The following LPP variants were observed in gnomAD, a reference collection of about 807,000 sequenced individuals.
The protein encoded by LPP is LIM domain containing preferred translocation partner in lipoma, also known as lipoma-preferred partner.
Under a neutral mutation model 60.4 loss-of-function variants are expected in LPP, and 38 were observed. The observed-to-expected ratio is 0.63, with a 90% CI of 0.49 to 0.83. The LOEUF (loss-of-function observed/expected upper bound fraction) is 0.83, where lower values mean the gene tolerates loss of function less well. Ranked by LOEUF, LPP falls within the 40% of genes least tolerant of loss-of-function variation. LPP has a pLI of 0.00. For synonymous variants in LPP, 328 were observed against 290.8 expected (o/e 1.13, Z -1.30); for missense variants, 902 against 783.6 (o/e 1.15, Z -1.80).
chr3:188,377,496 A>G (rs1193356006), intron 3 of LPP, among the ~76,000 whole-genome samples: 1 of 152,160 alleles, frequency 6.6e-6, no homozygotes, highest in East Asian at 1.9e-4. Flanking sequence ...AGTTGATCGC[A>G]TCGGCTACTG....
chr3:188,368,715 CACACAGAGAGAG>C (rs1464267952), intron 3 of LPP, among the ~76,000 whole-genome samples: 12 of 74,068 alleles, frequency 1.6e-4, no homozygotes, highest in South Asian at 4.7e-4. Flanking sequence ...CACACACACA[CACACAGAGAGAG>C]AGAGAGAGAG....
intron 7 of LPP, among the ~76,000 whole-genome samples, chr3:188,655,421 T>C (rs183969226): frequency 6.6e-6 from 1 of 152,300 alleles, no homozygotes; most frequent in East Asian, 1.9e-4. Context: ...AGGCGGGTTT[T>C]AGAAAAGGAT....
intron 6 of LPP, among the ~76,000 whole-genome samples, chr3:188,527,942 C>A (rs1223008763): frequency 6.6e-6 from 1 of 152,048 alleles, no homozygotes; most frequent in East Asian, 1.9e-4. Context: ...TAGCTTACAT[C>A]TACTTTATAA....
intron 8 of LPP, among the ~76,000 whole-genome samples, chr3:188,745,493 C>A (rs1725844317): frequency 6.6e-6 from 1 of 152,104 alleles, no homozygotes; most frequent in African/African-American, 2.4e-5. Flanking sequence ...AGGGCAACAG[C>A]ACTTCTGTCT....
Position 188,639,526 on chromosome 3 carries a change from T to G in LPP, c.1113+29682T>G, listed in dbSNP as rs1257216385. Among the ~76,000 whole-genome samples the G allele has an allele frequency of 4.0e-5, 6 of 151,366 alleles. No individual in the cohort carries two copies. In the East Asian group the frequency reaches 9.7e-4, roughly 25 times the overall value. ...ACAAAATTGACAAATGGGATCTAATTAAACTAAAGAGCTTCTGCACAGCAA... is the reference window on the plus strand; with the variant it reads ...ACAAAATTGACAAATGGGATCTAATGAAACTAAAGAGCTTCTGCACAGCAA... On this transcript the variant is annotated intron_variant, in intron 7 of 11. Transcript: ENST00000617246.
chr3:188,529,490 A>G (rs905535340), intron 6 of LPP, among the ~76,000 whole-genome samples: 2 of 152,182 alleles, frequency 1.3e-5, no homozygotes, highest in African/African-American at 4.8e-5. Flanking sequence ...AAAATGATAT[A>G]TATGTGGAAT....
At chr3:188,247,328 G>C in intron 2 of LPP, 1 of 192,138 alleles carries the variant, frequency 5.2e-6, no homozygotes, top group Non-Finnish European at 9.5e-6. Context: ...TGGTAGGAGA[G>C]CAATACCTTT....
chr3:188,246,072 T>A (rs1226249239), intron 2 of LPP, among the ~76,000 whole-genome samples: 1 of 152,224 alleles, frequency 6.6e-6, no homozygotes, highest in Non-Finnish European at 1.5e-5. Context: ...ACTTAGAATA[T>A]CCCTTGGATG....
chr3:188,709,292 G>A (rs1224989841), intron 8 of LPP: 1 of 152,122 alleles, frequency 6.6e-6, no homozygotes, highest in East Asian at 1.9e-4. Flanking sequence ...ACTAGTCTAG[G>A]TAGAAAGTGA....
intron 2 of LPP, among the ~76,000 whole-genome samples, chr3:188,233,360 C>T (rs1469010341): frequency 6.6e-6 from 1 of 152,198 alleles, no homozygotes; most frequent in African/African-American, 2.4e-5. Context: ...CATTAGCAAC[C>T]TCTTCATCTG....
intron 9 of LPP, among the ~76,000 whole-genome samples, chr3:188,802,500 T>G (rs982536656): frequency 2.0e-5 from 3 of 152,170 alleles, no homozygotes; most frequent in Non-Finnish European, 2.9e-5. Context: ...ATAGCTTTAA[T>G]GGCTGGGCAC....
At chr3:188,459,316 T>G (rs569075587) in intron 4 of LPP, among the ~76,000 whole-genome samples, 2 of 151,946 alleles carry the variant, frequency 1.3e-5, no homozygotes, top group African/African-American at 4.8e-5. Context: ...TTAATTTGAA[T>G]GAACACGCCC....
At chr3:188,251,652 A>G (rs930291018) in intron 2 of LPP, among the ~76,000 whole-genome samples, 2 of 152,152 alleles carry the variant, frequency 1.3e-5, no homozygotes, top group African/African-American at 2.4e-5. Context: ...TGTGAAAAAG[A>G]GTTGAGGATT....
At chr3:188,807,877 T>A (rs1749655871) in intron 9 of LPP, among the ~76,000 whole-genome samples, 1 of 152,218 alleles carries the variant, frequency 6.6e-6, no homozygotes, top group Non-Finnish European at 1.5e-5. Context: ...GCTTTGTCTC[T>A]TGACAGTGTG....
intron 2 of LPP, among the ~76,000 whole-genome samples, chr3:188,248,495 T>TAC (rs1553833663): frequency 3.6e-5 from 5 of 138,614 alleles, no homozygotes; most frequent in African/African-American, 1.4e-4. Flanking sequence ...TATATATATA[T>TAC]ATACAGTCAG....
intron 3 of LPP, among the ~76,000 whole-genome samples, chr3:188,363,042 T>A (rs1046061966): frequency 5.3e-5 from 8 of 151,954 alleles, no homozygotes; most frequent in African/African-American, 1.9e-4. Context: ...ATTTATTTTT[T>A]TTTTTTACAA....
chr3:188,407,774 T>TG (rs200794374), intron 4 of LPP, among the ~76,000 whole-genome samples: 1,604 of 31,180 alleles, frequency 0.051, 53 homozygotes, highest in Middle Eastern at 0.2. Flanking sequence ...TATGGTTTTT[T>TG]TTTTTGTTTG....
intron 9 of LPP, among the ~76,000 whole-genome samples, chr3:188,817,215 G>A (rs1210617574): frequency 6.6e-6 from 1 of 152,188 alleles, no homozygotes; most frequent in Non-Finnish European, 1.5e-5. Flanking sequence ...GAGCACTGGT[G>A]ATCATAGCAG....
chr3:188,854,852 A>C (rs578241986), intron 9 of LPP, among the ~76,000 whole-genome samples: 1 of 152,348 alleles, frequency 6.6e-6, no homozygotes, highest in Non-Finnish European at 1.5e-5. Flanking sequence ...ACATCTTGGC[A>C]GGGTTGAGTT....
Sources: allele counts gnomAD v4.1 joint callset (sites outside exome capture counted in the v4.1 genomes callset), GRCh38; gene constraint gnomAD v4.1.1; transcripts MANE v1.5; gene names NCBI Gene and HGNC (gene_info 2026-07-23, HGNC 2026-07-21).